The following PDE8A variants were observed in gnomAD, a reference collection of about 807,000 sequenced individuals.
The protein encoded by PDE8A is high affinity cAMP-specific and IBMX-insensitive 3',5'-cyclic phosphodiesterase 8A.
In PDE8A, 59 loss-of-function variants were observed where a neutral mutation model predicts 105.0. The observed-to-expected ratio is 0.56, with a 90% confidence interval of 0.46 to 0.70. PDE8A has a LOEUF of 0.70. Ranked by LOEUF, PDE8A falls within the 30% of genes least tolerant of loss-of-function variation. The pLI, the probability that PDE8A is intolerant of heterozygous loss-of-function variation, is 0.00. For missense variants in PDE8A, 1,014 were observed against 1,045.9 expected, an observed-to-expected ratio of 0.97 and a Z score of 0.42; for synonymous variants, 355 against 371.9, an observed-to-expected ratio of 0.95 and a Z score of 0.52.
chr15:85,038,973 T>G (rs763737258), intron 1 of PDE8A, among the ~76,000 whole-genome samples: 1 of 151,884 alleles, frequency 6.6e-6, no homozygotes, highest in Non-Finnish European at 1.5e-5. Flanking sequence ...GATACAAAAT[T>G]AGCCAGGCGT....
chr15:84,997,196 G>GT (rs749440954), intron 1 of PDE8A, among the ~76,000 whole-genome samples: 58 of 150,344 alleles, frequency 3.9e-4, no homozygotes, highest in Non-Finnish European at 6.2e-4. Flanking sequence ...TCTCCATTAT[G>GT]TTTTTTTTTC....
intron 1 of PDE8A, among the ~76,000 whole-genome samples, chr15:85,015,889 C>T (rs141378625): frequency 0.03 from 4,516 of 152,192 alleles, 245 homozygotes; most frequent in African/African-American, 0.1. Flanking sequence ...GTAATCCCAG[C>T]ACTTTGGGAG....
intron 3 of PDE8A, among the ~76,000 whole-genome samples, chr15:85,073,905 C>G (rs985116902): frequency 4.6e-5 from 7 of 152,190 alleles, no homozygotes; most frequent in African/African-American, 1.4e-4. Context: ...GTCAGGGGGA[C>G]CAGGGTTGAA....
chr15:85,109,562 A>G (rs2141590992), intron 12 of PDE8A, among the ~76,000 whole-genome samples: 1 of 152,348 alleles, frequency 6.6e-6, no homozygotes, highest in South Asian at 2.1e-4. Context: ...TCTAATTGAA[A>G]TATACTTTTT....
intron 1 of PDE8A, among the ~76,000 whole-genome samples, chr15:85,002,960 T>C (rs898538033): frequency 6.6e-6 from 1 of 152,184 alleles, no homozygotes; most frequent in African/African-American, 2.4e-5. Context: ...GTATTTCTTA[T>C]TATATCACAA....
chr15:85,009,261 C>A (rs961916534), intron 1 of PDE8A, among the ~76,000 whole-genome samples: 1 of 152,102 alleles, frequency 6.6e-6, no homozygotes, highest in Non-Finnish European at 1.5e-5. Context: ...AATTTTAGTT[C>A]TCTTCTACCT....
chr15:85,116,300 CCA>C (rs1285930746), intron 16 of PDE8A, 181 bp downstream of exon 16: 4 of 574,984 alleles, frequency 7.0e-6, no homozygotes, highest in Non-Finnish European at 1.2e-5. Flanking sequence ...AGTCTGCTGG[CCA>C]CAGTGATGGC....
intron 3 of PDE8A, among the ~76,000 whole-genome samples, chr15:85,071,924 G>T (rs190954728): frequency 4.6e-5 from 7 of 152,268 alleles, no homozygotes; most frequent in Admixed American, 3.9e-4. Flanking sequence ...ATGCTTAGTG[G>T]ACTCAGAAGA....
chr15:85,115,958 G>C, intron 15 of PDE8A, 26 bp from the exon 16 acceptor site: 1 of 1,494,450 alleles, frequency 6.7e-7, no homozygotes, highest in Non-Finnish European at 9.2e-7. Context: ...AAGCCTATTT[G>C]TTCTCCAAAT....
In PDE8A at chr15:85,083,535, A is replaced by G. The variant is rs995820355; in HGVS notation, c.547-21A>G. The G allele has an allele frequency of 4.7e-6, 7 of 1,500,642 alleles. No homozygotes were observed. The African/African-American group carries it at 9.6e-5, about 21-fold the overall frequency. The allele number at this position is 1,500,642 out of a possible 1,614,324, so 93.0% of individuals were successfully genotyped here. ...AAGAAGCACTTTTGTTTATCCACAAAATTCCTCTTTCTGTTTGTAGAGGTA... is the reference window on the plus strand; with the variant it reads ...AAGAAGCACTTTTGTTTATCCACAAGATTCCTCTTTCTGTTTGTAGAGGTA... On this transcript the variant is annotated intron_variant, in intron 5 of 21. Coordinates refer to ENST00000394553, the MANE Select transcript of PDE8A (RefSeq NM_002605.3).
At chr15:85,128,071 AAAG>A (rs1395602172) in intron 20 of PDE8A, among the ~76,000 whole-genome samples, 4 of 151,194 alleles carry the variant, frequency 2.6e-5, no homozygotes, top group African/African-American at 9.7e-5. Flanking sequence ...AAAAAAAAAA[AAAG>A]AACCACAACT....
At chr15:85,068,941 G>A (rs1419387209) in intron 3 of PDE8A, among the ~76,000 whole-genome samples, 1 of 152,198 alleles carries the variant, frequency 6.6e-6, no homozygotes, top group Non-Finnish European at 1.5e-5. Flanking sequence ...GGAAGAAAAT[G>A]TACTATTGCT....
At position 85,117,757 on chromosome 15, in the gene PDE8A, C is replaced by G. The variant is rs752347816; in HGVS notation, c.1652C>G (p.Ser551Cys). Residue 551 changes from serine (S) to cysteine (C), a missense_variant, in exon 17 of 22, where the codon TCC becomes TGC. Coordinates refer to ENST00000394553, the MANE Select transcript of PDE8A (RefSeq NM_002605.3). ...WLQIIEANYH[S>C]SNPYHNSTHS... is the part of the protein sequence containing the mutation. ...CAAATTATCGAAGCCAATTATCATT[C>G]CTCCAATCCCTACCACAATTCTACA... The G allele has an allele frequency of 3.7e-6, 6 of 1,613,824 alleles. No homozygotes were observed. Among genetic ancestry groups the G allele is most frequent in the East Asian group, 2.2e-5 (1 of 44,882 alleles).
chr15:85,056,818 C>T (rs530134515), intron 1 of PDE8A, among the ~76,000 whole-genome samples: 2 of 152,212 alleles, frequency 1.3e-5, no homozygotes, highest in African/African-American at 2.4e-5. Flanking sequence ...TCTCTCAACT[C>T]GTCAAAGTCA....
intron 3 of PDE8A, among the ~76,000 whole-genome samples, chr15:85,074,522 G>C (rs890898845): frequency 3.3e-5 from 5 of 152,196 alleles, no homozygotes; most frequent in Admixed American, 2.6e-4. Context: ...GCAATGTAGT[G>C]AGACCTCGTC....
chr15:85,072,994 G>C (rs1305697968), intron 3 of PDE8A, among the ~76,000 whole-genome samples: 1 of 152,000 alleles, frequency 6.6e-6, no homozygotes, highest in Non-Finnish European at 1.5e-5. Context: ...CTTGCCTGTA[G>C]TCCCAGCTAC....
chr15:85,137,156 A>G (rs1430374419), intron 21 of PDE8A, among the ~76,000 whole-genome samples: 2 of 152,164 alleles, frequency 1.3e-5, no homozygotes, highest in Non-Finnish European at 2.9e-5. Flanking sequence ...TGAGGGCTGC[A>G]CCTTGAAGGA....
At chr15:85,119,475 A>AAAAAAAAAAAAAAAAAAAAAAAC (rs2082147269) in intron 17 of PDE8A, among the ~76,000 whole-genome samples, 1 of 150,378 alleles carries the variant, frequency 6.6e-6, no homozygotes, top group African/African-American at 2.4e-5. Flanking sequence ...TCTCAAAAAA[A>AAAAAAAAAAAAAAAAAAAAAAAC]AAAAAACATT....
chr15:85,107,488 C>G (rs1023431409), intron 11 of PDE8A, among the ~76,000 whole-genome samples: 4 of 152,100 alleles, frequency 2.6e-5, no homozygotes, highest in African/African-American at 9.7e-5. Flanking sequence ...GGCCATTAAT[C>G]CAGGGAGGAT....
Sources: allele counts gnomAD v4.1 joint callset (sites outside exome capture counted in the v4.1 genomes callset), GRCh38; gene constraint gnomAD v4.1.1; transcripts MANE v1.5; gene names NCBI Gene and HGNC (gene_info 2026-07-23, HGNC 2026-07-21).